ATP8B4: variants seen among roughly 807,000 people sequenced by gnomAD.
The protein encoded by ATP8B4 is ATPase phospholipid transporting 8B4 (putative), also known as probable phospholipid-transporting ATPase IM.
A neutral mutation model predicts 145.6 loss-of-function variants in ATP8B4; 133 were observed. The ratio of observed to expected loss-of-function variants is 0.91; its 90% CI spans 0.79 to 1.05. The LOEUF (loss-of-function observed/expected upper bound fraction) is 1.05, where lower values mean the gene tolerates loss of function less well. ATP8B4 is among the 50% of genes least tolerant of loss of function. The pLI, the probability that ATP8B4 is intolerant of heterozygous loss-of-function variation, is 0.00. For missense variants in ATP8B4, 1,458 were observed against 1,425.2 expected, an observed-to-expected ratio of 1.02 and a Z score of -0.37; for synonymous variants, 507 against 492.9, an observed-to-expected ratio of 1.03 and a Z score of -0.38.
rs1325139944 is a variant in ATP8B4, at chr15:49,898,175, C to T, written c.2366G>A (p.Arg789Lys). ...ACMCKTVICCRVTPLQKAQVV... is the reference protein window; with the variant it reads ...ACMCKTVICCKVTPLQKAQVV... ...TTGGGCTTTCTGGAGTGGAGTGACC[C>T]TGCAGCAAATTACAGTCTTACACAT... Residue 789 changes from arginine (R) to lysine (K), a missense_variant, in exon 22 of 28, where the codon AGG (arginine) becomes AAG (lysine). Arg to Lys is a conservative substitution (Grantham distance 26). Coordinates refer to ENST00000284509, the MANE Select transcript of ATP8B4 (RefSeq NM_024837.4). 2.5e-6 allele frequency: 4 copies of T among 1,613,712 alleles called. No individual in the cohort carries two copies. The highest frequency in any genetic ancestry group is 3.3e-5 in the Admixed American group (2 of 59,962).
At position 49,988,411 on chromosome 15, in the gene ATP8B4, G is replaced by C. The variant is rs891345220; in HGVS notation, c.590-862C>G. Among the ~76,000 whole-genome samples the C allele has an allele frequency of 3.3e-5, 5 of 151,966 alleles. 1 individual carries two copies. The highest frequency in any genetic ancestry group is 1.2e-4 in the African/African-American group (5 of 41,446). Reference sequence around the variant, plus strand: ...AGGTTAAATTTTTTATATATAATGAGTACAAAGACGTGAAAGAACAGAATG... The same window carrying C: ...AGGTTAAATTTTTTATATATAATGACTACAAAGACGTGAAAGAACAGAATG... On this transcript the variant is annotated intron_variant, in intron 9 of 27. Coordinates refer to ENST00000284509, the MANE Select transcript of ATP8B4 (RefSeq NM_024837.4).
intron 25 of ATP8B4, among the ~76,000 whole-genome samples, chr15:49,869,512 A>T (rs2153383310): frequency 6.6e-6 from 1 of 152,298 alleles, no homozygotes; most frequent in Non-Finnish European, 1.5e-5. Flanking sequence ...ATCTTTTATT[A>T]TGAAAAAAGA....
chr15:50,015,439 C>G (rs2049019121), intron 6 of ATP8B4, among the ~76,000 whole-genome samples: 1 of 152,174 alleles, frequency 6.6e-6, no homozygotes, highest in Non-Finnish European at 1.5e-5. Flanking sequence ...GGGACCAGAA[C>G]CCAAGTTTGT....
intron 14 of ATP8B4, among the ~76,000 whole-genome samples, chr15:49,954,267 A>G (rs1024319249): frequency 1.3e-5 from 2 of 152,120 alleles, no homozygotes; most frequent in African/African-American, 2.4e-5. Context: ...TCGTGTATAC[A>G]TATATCCTAT....
At position 49,905,655 on chromosome 15, in the gene ATP8B4, G is replaced by A. The variant is rs139918946; in HGVS notation, c.2142-4416C>T. Among the ~76,000 whole-genome samples, 165 of 152,216 alleles carry A rather than the reference G, an allele frequency of 1.1e-3. 1 individual carries two copies. Among genetic ancestry groups the A allele is most frequent in the Non-Finnish European group, 1.8e-3 (124 of 68,010 alleles). On this transcript the variant is annotated intron_variant, in intron 20 of 27. Coordinates refer to ENST00000284509, the MANE Select transcript of ATP8B4 (RefSeq NM_024837.4). ...ATTATTTTCCAGTCAGCTGAGCAAG[G>A]TGGCCCCAAGGCTCCTGAAATATTG...
chr15:50,038,670 G>T (rs942014257), intron 6 of ATP8B4, 98 bp downstream of exon 6: 8 of 872,226 alleles, frequency 9.2e-6, no homozygotes, highest in Non-Finnish European at 1.3e-5. Flanking sequence ...AGGGAAAAAA[G>T]AATCATGTAT....
intron 16 of ATP8B4, among the ~76,000 whole-genome samples, chr15:49,923,973 G>T (rs1357713184): frequency 6.6e-6 from 1 of 151,794 alleles, no homozygotes. Flanking sequence ...GGCCCTTGCT[G>T]ACATATTTCT....
intron 5 of ATP8B4, among the ~76,000 whole-genome samples, chr15:50,042,806 G>A (rs1381655872): frequency 3.3e-5 from 5 of 152,056 alleles, no homozygotes; most frequent in African/African-American, 1.2e-4. Context: ...CCATGAAAAA[G>A]TATGTCTGTT....
intron 10 of ATP8B4, among the ~76,000 whole-genome samples, chr15:49,985,152 A>G (rs917849321): frequency 6.6e-6 from 1 of 151,064 alleles, no homozygotes; most frequent in Non-Finnish European, 1.5e-5. Flanking sequence ...GCTGGAGTGC[A>G]GTGGTGCAAT....
chr15:50,094,345 T>C (rs1216234082), intron 2 of ATP8B4, among the ~76,000 whole-genome samples: 5 of 152,074 alleles, frequency 3.3e-5, no homozygotes, highest in Admixed American at 3.3e-4. Context: ...TCTTCCTGGG[T>C]CTCAAGCCTG....
At chr15:50,146,105 T>C (rs1323115007) in intron 1 of ATP8B4, among the ~76,000 whole-genome samples, 1 of 149,200 alleles carries the variant, frequency 6.7e-6, no homozygotes, top group Non-Finnish European at 1.5e-5. Flanking sequence ...CTCTGCCCTC[T>C]GAGTTCAAGT....
chr15:50,126,110 G>C (rs2057305363), intron 1 of ATP8B4, among the ~76,000 whole-genome samples: 1 of 152,100 alleles, frequency 6.6e-6, no homozygotes, highest in South Asian at 2.1e-4. Context: ...AACTACAGGA[G>C]AGGGGAAGCC....
chr15:50,073,864 TGA>T (rs1294795761), intron 3 of ATP8B4, among the ~76,000 whole-genome samples: 3 of 152,172 alleles, frequency 2.0e-5, no homozygotes, highest in African/African-American at 4.8e-5. Context: ...GGTACCAAAA[TGA>T]GCTAAACATC....
intron 1 of ATP8B4, among the ~76,000 whole-genome samples, chr15:50,132,800 G>T (rs2044066287): frequency 6.6e-6 from 1 of 152,192 alleles, no homozygotes; most frequent in South Asian, 2.1e-4. Context: ...ATGAGTTCAT[G>T]TCCTTTGCAG....
chr15:50,062,354 C>G (rs570920256), intron 3 of ATP8B4, among the ~76,000 whole-genome samples: 1 of 152,104 alleles, frequency 6.6e-6, no homozygotes, highest in Non-Finnish European at 1.5e-5. Flanking sequence ...ATGTGATGTG[C>G]CTGGTCCCCC....
At chr15:49,948,321 C>T (rs879534024) in intron 14 of ATP8B4, among the ~76,000 whole-genome samples, 5 of 150,786 alleles carry the variant, frequency 3.3e-5, no homozygotes, top group Admixed American at 6.6e-5. Flanking sequence ...TGGTGGCACT[C>T]GCCTGTAGTC....
chr15:49,876,029 T>C (rs763659253), intron 25 of ATP8B4, among the ~76,000 whole-genome samples: 4 of 152,154 alleles, frequency 2.6e-5, no homozygotes, highest in Non-Finnish European at 4.4e-5. Context: ...TTACATACAA[T>C]GCACAACCCA....
intron 16 of ATP8B4, among the ~76,000 whole-genome samples, chr15:49,925,087 T>C (rs544987996): frequency 6.6e-6 from 1 of 152,156 alleles, no homozygotes; most frequent in Non-Finnish European, 1.5e-5. Context: ...TGAGTGAGGA[T>C]TCTAAAAAGT....
upstream of ATP8B4, among the ~76,000 whole-genome samples, chr15:50,120,484 T>C (rs1233990170): frequency 6.6e-6 from 1 of 152,226 alleles, no homozygotes; most frequent in African/African-American, 2.4e-5. Context: ...TAATTCCCTT[T>C]GTTAAAGAAG....
Sources: gnomAD v4.1 joint callset for allele counts (sites outside exome capture counted in the v4.1 genomes callset) on GRCh38, gnomAD v4.1.1 for gene constraint, MANE v1.5 for transcripts, NCBI Gene and HGNC (gene_info 2026-07-23, HGNC 2026-07-21) for gene names.